The following TOX2 variants were observed in gnomAD, a reference collection of about 807,000 sequenced individuals.
The protein encoded by TOX2 is granulosa cell HMG box 1.
In TOX2, 15 loss-of-function variants were observed where a neutral mutation model predicts 47.4. The observed-to-expected ratio is 0.32, with a 90% CI of 0.21 to 0.49. The LOEUF (loss-of-function observed/expected upper bound fraction) is 0.49. Among genes scored for constraint, TOX2 ranks in the 20% least tolerant of loss-of-function variants. The pLI is 0.99. For synonymous variants in TOX2, 290 were observed against 296.6 expected, an observed-to-expected ratio of 0.98 and a Z score of 0.23; for missense variants, 622 against 673.1, an observed-to-expected ratio of 0.92 and a Z score of 0.84.
At chr20:44,053,121 C>T (rs1270818348) in intron 4 of TOX2, among the ~76,000 whole-genome samples, 1 of 152,194 alleles carries the variant, frequency 6.6e-6, no homozygotes. Context: ...CCAAAGTCCC[C>T]TGTTCCTACA....
intron 1 of TOX2, among the ~76,000 whole-genome samples, chr20:43,962,630 G>C (rs1412235844): frequency 6.6e-6 from 1 of 152,156 alleles, no homozygotes; most frequent in South Asian, 2.1e-4. Flanking sequence ...TGAATGCCTC[G>C]TTACCAGACT....
chr20:43,990,298 C>A (rs995894353), intron 2 of TOX2, among the ~76,000 whole-genome samples: 1 of 152,146 alleles, frequency 6.6e-6, no homozygotes, highest in Admixed American at 6.5e-5. Flanking sequence ...AAAAATTTTA[C>A]TGGTAACTCC....
chr20:43,966,408 T>G (rs1255211180), intron 1 of TOX2, among the ~76,000 whole-genome samples: 1 of 150,760 alleles, frequency 6.6e-6, no homozygotes, highest in African/African-American at 2.5e-5. Flanking sequence ...AGAGGTAGAT[T>G]TCGGTGGATA....
intron 3 of TOX2, among the ~76,000 whole-genome samples, chr20:44,050,352 AC>A (rs1387684731): frequency 6.6e-6 from 1 of 152,266 alleles, no homozygotes; most frequent in Non-Finnish European, 1.5e-5. Context: ...GAGAAAAGAA[AC>A]AACCCACATA....
intron 1 of TOX2, among the ~76,000 whole-genome samples, chr20:43,948,538 G>T (rs1218465794): frequency 6.6e-6 from 1 of 152,202 alleles, no homozygotes; most frequent in Non-Finnish European, 1.5e-5. Context: ...ATGAAATTGG[G>T]AGCAGGGGCA....
chr20:44,047,361 A>G (rs571991158), intron 3 of TOX2, among the ~76,000 whole-genome samples: 3 of 152,334 alleles, frequency 2.0e-5, no homozygotes, highest in African/African-American at 7.2e-5. Flanking sequence ...GTTACTAAAA[A>G]AGAAAATGTG....
chr20:44,039,107 C>G, intron 3 of TOX2: 2 of 1,273,302 alleles, frequency 1.6e-6, no homozygotes, highest in Non-Finnish European at 2.1e-6. Flanking sequence ...AGGCAGGTGT[C>G]TCTGCACTTG....
chr20:43,950,918 G>A (rs566078358), intron 1 of TOX2, among the ~76,000 whole-genome samples: 2 of 151,986 alleles, frequency 1.3e-5, no homozygotes, highest in African/African-American at 4.8e-5. Flanking sequence ...TTTGGTGCAC[G>A]GACGCATGAG....
chr20:43,965,881 G>A (rs956867766), intron 1 of TOX2, among the ~76,000 whole-genome samples: 6 of 152,158 alleles, frequency 3.9e-5, no homozygotes, highest in African/African-American at 1.2e-4. Flanking sequence ...TGTAAATAAC[G>A]TAGGGGAGGT....
rs552749340 is a variant in TOX2, at chr20:43,973,988, G to C, written c.165+556G>C. Among the ~76,000 whole-genome samples the C allele has an allele frequency of 3.9e-5, 6 of 152,262 alleles. No homozygotes were observed. The South Asian group carries it at 1.0e-3, about 26-fold the overall frequency. ...CGAACCCCAGCCTGGCCCTCTGGGG[G>C]GTCATAGTTGCCAGTTGGAATCAGA... On this transcript the variant is annotated intron_variant, in intron 2 of 8. Coordinates refer to ENST00000341197, the MANE Select transcript of TOX2 (RefSeq NM_001098797.2).
At chr20:43,945,791 C>T (rs1254306599) in intron 1 of TOX2, 1 of 1,401,172 alleles carries the variant, frequency 7.1e-7, no homozygotes, top group African/African-American at 1.4e-5. Flanking sequence ...TTCCATTTCA[C>T]CTTATACGAA....
chr20:44,044,724 CTTAAAAA>C (rs1220350064), intron 3 of TOX2, among the ~76,000 whole-genome samples: 1 of 152,056 alleles, frequency 6.6e-6, no homozygotes, highest in East Asian at 1.9e-4. Context: ...ATGGTGGTTT[CTTAAAAA>C]TTAAAAAACA....
At chr20:43,986,281 A>G (rs561158521) in intron 2 of TOX2, among the ~76,000 whole-genome samples, 17 of 150,348 alleles carry the variant, frequency 1.1e-4, no homozygotes, top group African/African-American at 3.4e-4. Context: ...GTATGTATGT[A>G]TGTATGTGTG....
chr20:43,934,792 G>GTGTT (rs1373314065), intron 1 of TOX2, among the ~76,000 whole-genome samples: 1 of 125,050 alleles, frequency 8.0e-6, no homozygotes, highest in East Asian at 2.6e-4. Flanking sequence ...TCATCTGTGT[G>GTGTT]TGTGTTTGTG....
chr20:43,957,322 C>T (rs773322252), intron 1 of TOX2, among the ~76,000 whole-genome samples: 14 of 152,204 alleles, frequency 9.2e-5, no homozygotes, highest in Non-Finnish European at 1.5e-4. Context: ...ATATAATTAG[C>T]CCTTGTCTCT....
At chr20:44,014,742 A>T (rs1010857247) in intron 3 of TOX2, among the ~76,000 whole-genome samples, 5 of 152,132 alleles carry the variant, frequency 3.3e-5, no homozygotes, top group African/African-American at 1.2e-4. Context: ...TCTGTTTATT[A>T]CTTTAACCAC....
rs1031337916 is a variant in TOX2 at position 44,022,307 on chromosome 20, T to G, written c.411+15515T>G. On this transcript the variant is annotated intron_variant, in intron 3 of 8. Transcript: ENST00000341197. ...TACCCAGGCCCTCTGAACTTTAGTG[T>G]TTTTTTTTGTGTGTGTAAAATAGAT... is the stretch of plus-strand genomic sequence containing the variant. Among the ~76,000 whole-genome samples, 5 of 151,378 alleles carry G rather than the reference T, an allele frequency of 3.3e-5. No homozygotes were observed. In the East Asian group the frequency reaches 5.8e-4, roughly 18 times the overall value.
At chr20:43,925,326 G>A (rs1207863768) in intron 1 of TOX2, among the ~76,000 whole-genome samples, 3 of 152,084 alleles carry the variant, frequency 2.0e-5, no homozygotes, top group Admixed American at 6.6e-5. Flanking sequence ...TGCGTGGGTG[G>A]GCAGGGTGGA....
intron 2 of TOX2, among the ~76,000 whole-genome samples, chr20:43,973,979 C>T (rs2145479163): frequency 6.6e-6 from 1 of 152,246 alleles, no homozygotes; most frequent in South Asian, 2.1e-4. Flanking sequence ...CCAGCCTGGC[C>T]CTCTGGGGGG....
Sources: gnomAD v4.1 joint callset for allele counts (sites outside exome capture counted in the v4.1 genomes callset) on GRCh38, gnomAD v4.1.1 for gene constraint, MANE v1.5 for transcripts, NCBI Gene and HGNC (gene_info 2026-07-23, HGNC 2026-07-21) for gene names.